PTPRD: variants seen among roughly 807,000 people sequenced by gnomAD.
PTPRD encodes protein tyrosine phosphatase receptor type D, also known as receptor-type tyrosine-protein phosphatase delta.
PTPRD carries 34 observed loss-of-function variants against 214.5 expected under a neutral mutation model. That is an observed-to-expected ratio of 0.16 (90% CI 0.12 to 0.21). The LOEUF (loss-of-function observed/expected upper bound fraction) is 0.21. Among genes scored for constraint, PTPRD ranks in the 10% least tolerant of loss-of-function variants. The probability of loss-of-function intolerance (pLI) is 1.00; values close to 1 mark genes in which losing one functional copy is unlikely to be tolerated. For synonymous variants in PTPRD, 1,128 were observed against 845.7 expected, an observed-to-expected ratio of 1.33 and a Z score of -5.79; for missense variants, 2,545 against 2,398.7, an observed-to-expected ratio of 1.06 and a Z score of -1.27.
chr9:8,337,421 A>G (rs1848030297), intron 43 of PTPRD, among the ~76,000 whole-genome samples: 1 of 151,366 alleles, frequency 6.6e-6, no homozygotes, highest in Non-Finnish European at 1.5e-5. Context: ...GGACACACGG[A>G]GGGGAACATC....
At chr9:10,158,353 T>C (rs923372291) in intron 3 of PTPRD, among the ~76,000 whole-genome samples, 11 of 152,290 alleles carry the variant, frequency 7.2e-5, no homozygotes, top group Admixed American at 5.9e-4. Flanking sequence ...TCAGCTCTTG[T>C]ATAGTTTTAC....
chr9:9,696,519 C>A (rs983536453), intron 7 of PTPRD, among the ~76,000 whole-genome samples: 2 of 152,064 alleles, frequency 1.3e-5, no homozygotes, highest in Non-Finnish European at 2.9e-5. Context: ...ATTGTTATAT[C>A]CTTTCATGGG....
chr9:8,749,666 C>A (rs957080211), intron 11 of PTPRD, among the ~76,000 whole-genome samples: 2 of 152,160 alleles, frequency 1.3e-5, no homozygotes, highest in Non-Finnish European at 2.9e-5. Context: ...TCATTGTAAA[C>A]CATCTACATT....
chr9:9,542,379 T>G (rs2077794977), intron 8 of PTPRD, among the ~76,000 whole-genome samples: 1 of 151,708 alleles, frequency 6.6e-6, no homozygotes, highest in South Asian at 2.1e-4. Flanking sequence ...CTTCAAGCTT[T>G]GAAGGAGTCC....
intron 14 of PTPRD, among the ~76,000 whole-genome samples, chr9:8,564,427 G>A (rs144847651): frequency 1.7e-3 from 266 of 152,152 alleles, no homozygotes; most frequent in African/African-American, 6.0e-3. Flanking sequence ...GGCCGGGCAC[G>A]GTAGCTCACA....
At chr9:9,479,192 C>T (rs2095271958) in intron 8 of PTPRD, among the ~76,000 whole-genome samples, 1 of 143,570 alleles carries the variant, frequency 7.0e-6, no homozygotes. Flanking sequence ...AAATAAGTCA[C>T]ACATACATAC....
chr9:9,078,837 T>C (rs1193945763), intron 10 of PTPRD, among the ~76,000 whole-genome samples: 1 of 152,056 alleles, frequency 6.6e-6, no homozygotes, highest in Non-Finnish European at 1.5e-5. Flanking sequence ...TTATTTGTAA[T>C]TGAAAAATAA....
chr9:10,581,267 C>T (rs2071667726), intron 2 of PTPRD, among the ~76,000 whole-genome samples: 1 of 152,128 alleles, frequency 6.6e-6, no homozygotes, highest in African/African-American at 2.4e-5. Flanking sequence ...AGTCTCAAAA[C>T]AACTGTCAAT....
At chr9:9,919,762 C>G (rs1290055743) in intron 5 of PTPRD, among the ~76,000 whole-genome samples, 1 of 152,068 alleles carries the variant, frequency 6.6e-6, no homozygotes, top group Non-Finnish European at 1.5e-5. Context: ...TGACCTGGTG[C>G]TAACTATTTA....
chr9:8,548,951 A>G (rs560048988), intron 14 of PTPRD, among the ~76,000 whole-genome samples: 9 of 152,016 alleles, frequency 5.9e-5, no homozygotes, highest in African/African-American at 9.7e-5. Flanking sequence ...TCGGCCTCAC[A>G]AAGTGATGGG....
rs2089984570 is a variant in PTPRD at position 8,735,287 on chromosome 9, G to T, written c.-103-1341C>A. ...GCCACCCAAGTAGCTGAGATTACAG[G>T]TGCCCACCACCATGCCTGGGTAATT... On this transcript the variant is annotated intron_variant, in intron 11 of 45. Coordinates refer to ENST00000381196, the MANE Select transcript of PTPRD (RefSeq NM_002839.4). Among the ~76,000 whole-genome samples, 5 of 151,846 alleles carry T rather than the reference G, an allele frequency of 3.3e-5. No individual in the cohort carries two copies. In the South Asian group the frequency reaches 1.0e-3, roughly 32 times the overall value.
intron 7 of PTPRD, among the ~76,000 whole-genome samples, chr9:9,577,296 G>T (rs1291667378): frequency 6.6e-6 from 1 of 152,164 alleles, no homozygotes; most frequent in Non-Finnish European, 1.5e-5. Flanking sequence ...GGGCATGGTG[G>T]CTAATGTCTG....
chr9:8,799,047 T>G (rs1197548919), intron 11 of PTPRD, among the ~76,000 whole-genome samples: 1 of 152,224 alleles, frequency 6.6e-6, no homozygotes, highest in East Asian at 1.9e-4. Flanking sequence ...TCCTAGATAC[T>G]ATATTAATTT....
chr9:9,319,739 G>A (rs1381267365), intron 9 of PTPRD, among the ~76,000 whole-genome samples: 1 of 152,086 alleles, frequency 6.6e-6, no homozygotes, highest in Non-Finnish European at 1.5e-5. Flanking sequence ...GTCATCAAAA[G>A]TTTCTTTAAA....
rs567249613 is a variant in PTPRD, at chr9:8,436,882, G to T, written c.3989-193C>A. Reference sequence around the variant, plus strand: ...ATGCTCTGGGAAGATGAATTTTGTAGCCAAATGAAAAGTCACCAAGCATAA... The same window carrying T: ...ATGCTCTGGGAAGATGAATTTTGTATCCAAATGAAAAGTCACCAAGCATAA... On this transcript the variant is annotated intron_variant, in intron 34 of 45. Coordinates refer to ENST00000381196, the MANE Select transcript of PTPRD (RefSeq NM_002839.4). Among the ~76,000 whole-genome samples, 24 of 152,282 alleles carry T rather than the reference G, an allele frequency of 1.6e-4. No homozygotes were observed. The South Asian group carries it at 4.8e-3, about 30-fold the overall frequency.
At chr9:10,002,867 G>A (rs911730254) in intron 4 of PTPRD, among the ~76,000 whole-genome samples, 9 of 151,300 alleles carry the variant, frequency 5.9e-5, no homozygotes, top group East Asian at 3.9e-4. Flanking sequence ...TACACTAGCC[G>A]AATACACAAT....
chr9:9,368,472 C>G (rs1596473037), intron 9 of PTPRD, among the ~76,000 whole-genome samples: 1 of 151,822 alleles, frequency 6.6e-6, no homozygotes, highest in East Asian at 1.9e-4. Flanking sequence ...TAGGCTGAGC[C>G]ATTTACTGTA....
In PTPRD at chr9:9,234,121, T is replaced by C. The variant is rs947127972; in HGVS notation, c.-202-50758A>G. Among the ~76,000 whole-genome samples, 5 of 152,320 alleles carry C rather than the reference T, an allele frequency of 3.3e-5. 1 individual carries two copies. The South Asian group carries it at 1.0e-3, about 32-fold the overall frequency. On this transcript the variant is annotated intron_variant, in intron 9 of 45. Transcript: ENST00000381196. ...CCTGCAGCAAACTTCTGCCTGGACA[T>C]CCAGGCATTTCCATACATGATCTGA... is the stretch of plus-strand genomic sequence containing the variant.
intron 8 of PTPRD, among the ~76,000 whole-genome samples, chr9:9,454,073 TTC>T (rs2092643004): frequency 6.6e-6 from 1 of 151,738 alleles, no homozygotes; most frequent in Non-Finnish European, 1.5e-5. Context: ...TCACGACAGA[TTC>T]TTACAGAAAA....
Sources: gnomAD v4.1 joint callset for allele counts (sites outside exome capture counted in the v4.1 genomes callset) on GRCh38, gnomAD v4.1.1 for gene constraint, MANE v1.5 for transcripts, NCBI Gene and HGNC (gene_info 2026-07-23, HGNC 2026-07-21) for gene names.